HELZ: variants seen among roughly 807,000 people sequenced by gnomAD.
The protein encoded by HELZ is helicase with zinc finger.
Under a neutral mutation model 218.2 loss-of-function variants are expected in HELZ, and 23 were observed. That is an observed-to-expected ratio of 0.11 (90% CI 0.08 to 0.15). The LOEUF is 0.15. HELZ is among the 10% of genes least tolerant of loss of function. HELZ has a pLI of 1.00. For synonymous variants in HELZ, 814 were observed against 829.4 expected (o/e 0.98, Z 0.32); for missense variants, 1,813 against 2,353.7 (o/e 0.77, Z 4.75).
intron 5 of HELZ, among the ~76,000 whole-genome samples, chr17:67,206,450 T>G (rs1427681711): frequency 2.0e-5 from 3 of 152,368 alleles, no homozygotes; most frequent in Non-Finnish European, 2.9e-5. Flanking sequence ...AGCCTCTGGC[T>G]ATCACAAGGC....
intron 5 of HELZ, among the ~76,000 whole-genome samples, chr17:67,213,352 A>G (rs2040506456): frequency 6.6e-6 from 1 of 152,140 alleles, no homozygotes; most frequent in Non-Finnish European, 1.5e-5. Flanking sequence ...GGCCGGGCGC[A>G]GTGGCTCACG....
chr17:67,130,188 G>C (rs975206033), intron 23 of HELZ, among the ~76,000 whole-genome samples: 3 of 152,050 alleles, frequency 2.0e-5, no homozygotes, highest in African/African-American at 7.3e-5. Context: ...AGGTAGCGGG[G>C]TGGGAGAGGG....
At chr17:67,112,803 C>T (rs889044496) in intron 28 of HELZ, among the ~76,000 whole-genome samples, 7 of 152,196 alleles carry the variant, frequency 4.6e-5, no homozygotes, top group Non-Finnish European at 7.4e-5. Context: ...AGCTTAAGGA[C>T]TAGAGACAGA....
intron 31 of HELZ, among the ~76,000 whole-genome samples, chr17:67,104,118 A>C (rs2037015573): frequency 1.3e-5 from 2 of 152,156 alleles, no homozygotes; most frequent in Admixed American, 6.5e-5. Context: ...CTAAGAACCA[A>C]GTGTAAGAGG....
At chr17:67,241,189 T>A (rs1477777061) in intron 2 of HELZ, among the ~76,000 whole-genome samples, 1 of 152,224 alleles carries the variant, frequency 6.6e-6, no homozygotes, top group African/African-American at 2.4e-5. Context: ...TCCAATTACA[T>A]CTGCATGTAT....
chr17:67,207,737 T>C (rs987589303), intron 5 of HELZ, among the ~76,000 whole-genome samples: 1 of 152,110 alleles, frequency 6.6e-6, no homozygotes, highest in Non-Finnish European at 1.5e-5. Flanking sequence ...AAAATGAAAA[T>C]AAAGGCCGAG....
intron 3 of HELZ, among the ~76,000 whole-genome samples, chr17:67,232,205 A>G (rs1218133693): frequency 6.6e-6 from 1 of 151,566 alleles, no homozygotes; most frequent in Non-Finnish European, 1.5e-5. Flanking sequence ...GTGCAGTGGC[A>G]CAATCTCAGC....
rs2035976674 is a variant in HELZ, at chr17:67,074,825, C to T, written c.*3427G>A. 1 of 150,272 alleles carries T rather than the reference C, an allele frequency of 6.7e-6. No homozygotes were observed. The highest frequency in any genetic ancestry group is 1.5e-5 in the Non-Finnish European group (1 of 67,732). The allele number at this position is 150,272 out of a possible 1,614,324, so 9.3% of individuals were successfully genotyped here. On this transcript the variant is annotated 3_prime_UTR_variant, in exon 33 of 33. Transcript: ENST00000358691. ...AACTGAAAAGACCAGTTGATGTTTA[C>T]ATTAAACCTAAACTTATTCTAAAAT... is the stretch of plus-strand genomic sequence containing the variant.
intron 27 of HELZ, among the ~76,000 whole-genome samples, chr17:67,118,152 A>G (rs2037486398): frequency 6.6e-6 from 1 of 152,244 alleles, no homozygotes; most frequent in African/African-American, 2.4e-5. Context: ...ATAATAATCA[A>G]GACAGCATAT....
rs2035877504 is a variant in HELZ at position 67,071,199 on chromosome 17, AAGCAGGC to A, written c.*7046_*7052del. ...AATGTCATATACATGGATTTATAGG[AAGCAGGC>A]ATGGTCTGGATTTATGAAAATCCAG... On this transcript the variant is annotated 3_prime_UTR_variant, in exon 33 of 33. Coordinates refer to ENST00000358691, the MANE Select transcript of HELZ (RefSeq NM_014877.4). The A allele has an allele frequency of 6.6e-6, 1 of 152,584 alleles. No homozygotes were observed. The highest frequency in any genetic ancestry group is 6.5e-5 in the Admixed American group (1 of 15,274). 9.5% of individuals were successfully genotyped at this position (152,584 alleles called of 1,614,324 possible). A position where few individuals can be genotyped will look rare whatever the true frequency, so the allele number is the denominator to read the frequency against.
At chr17:67,184,437 C>T (rs1163111219) in intron 12 of HELZ, among the ~76,000 whole-genome samples, 1 of 152,048 alleles carries the variant, frequency 6.6e-6, no homozygotes, top group African/African-American at 2.4e-5. Context: ...TGCTTAAAAA[C>T]AATGAACACC....
chr17:67,094,362 A>G (rs2036672686), intron 31 of HELZ, among the ~76,000 whole-genome samples: 1 of 142,032 alleles, frequency 7.0e-6, no homozygotes, highest in African/African-American at 2.7e-5. Flanking sequence ...AGATACAGGC[A>G]TACCTTGGAG....
intron 3 of HELZ, among the ~76,000 whole-genome samples, chr17:67,235,541 AC>A (rs2041156265): frequency 6.6e-6 from 1 of 151,804 alleles, no homozygotes; most frequent in Non-Finnish European, 1.5e-5. Flanking sequence ...AGAAGCCAGA[AC>A]CCACAAATGG....
rs2035978590 is a variant in HELZ, at chr17:67,074,867, A to C, written c.*3385T>G. 1 of 151,450 alleles carries C rather than the reference A, an allele frequency of 6.6e-6. No individual in the cohort carries two copies. The allele number at this position is 151,450 out of a possible 1,614,324, so 9.4% of individuals were successfully genotyped here. ...TTCTAAAATCTGATGATTTAAAAAA[A>C]AAAAAAATCTACACAAAGCAGTTTG... On this transcript the variant is annotated 3_prime_UTR_variant, in exon 33 of 33. Coordinates refer to ENST00000358691, the MANE Select transcript of HELZ (RefSeq NM_014877.4).
chr17:67,108,307 A>G lies in HELZ; in HGVS notation c.4724+185T>C. 1 of 566,768 alleles carries G rather than the reference A, an allele frequency of 1.8e-6. No homozygotes were observed. The highest frequency in any genetic ancestry group is 3.1e-6 in the Non-Finnish European group (1 of 317,808). 35.1% of individuals were successfully genotyped at this position (566,768 alleles called of 1,614,324 possible). A position where few individuals can be genotyped will look rare whatever the true frequency, so the allele number is the denominator to read the frequency against. On this transcript the variant is annotated intron_variant, in intron 30 of 32. Coordinates refer to ENST00000358691, the MANE Select transcript of HELZ (RefSeq NM_014877.4). The surrounding 1 kb of genome is among the most constrained non-coding windows in gnomAD (Gnocchi z 4.1). ...TCATCCATGCCTAAATTTGTAGAAG[A>G]GTTACTTCTAAATGAGTTTTCTGTA...
At chr17:67,238,419 C>T (rs949907012) in intron 3 of HELZ, among the ~76,000 whole-genome samples, 5 of 151,124 alleles carry the variant, frequency 3.3e-5, no homozygotes, top group South Asian at 2.1e-4. Flanking sequence ...CGGTGGCTCA[C>T]GCCTGTAATC....
chr17:67,223,872 A>C (rs1035377175), intron 3 of HELZ, among the ~76,000 whole-genome samples: 2 of 152,258 alleles, frequency 1.3e-5, no homozygotes, highest in African/African-American at 2.4e-5. Context: ...AAGAAAGCTG[A>C]AATCAGAAAC....
intron 31 of HELZ, among the ~76,000 whole-genome samples, chr17:67,087,792 C>A (rs1021873645): frequency 6.6e-6 from 1 of 152,224 alleles, no homozygotes; most frequent in Non-Finnish European, 1.5e-5. Context: ...ATTCCTTTAA[C>A]CCTTCCGACA....
intron 3 of HELZ, among the ~76,000 whole-genome samples, chr17:67,234,320 G>GAA (rs112024991): frequency 1.7e-4 from 23 of 135,646 alleles, no homozygotes; most frequent in African/African-American, 5.6e-4. Flanking sequence ...AAAGAAAAAA[G>GAA]AAAAAAAAAA....
Sources: gnomAD v4.1 joint callset for allele counts (sites outside exome capture counted in the v4.1 genomes callset) on GRCh38, gnomAD v4.1.1 for gene constraint, Gnocchi (gnomAD v3.1) non-coding constraint, MANE v1.5 for transcripts, NCBI Gene and HGNC (gene_info 2026-07-23, HGNC 2026-07-21) for gene names.